GARRE1: variants seen among roughly 807,000 people sequenced by gnomAD.
GARRE1 encodes the protein granule associated Rac and RHOG effector protein 1.
Under a neutral mutation model 103.2 loss-of-function variants are expected in GARRE1, and 49 were observed. The ratio of observed to expected loss-of-function variants is 0.47; its 90% CI spans 0.38 to 0.60. The LOEUF is 0.60. Among genes scored for constraint, GARRE1 ranks in the 20% least tolerant of loss-of-function variants. The probability of loss-of-function intolerance (pLI) is 0.00; values close to 1 mark genes in which losing one functional copy is unlikely to be tolerated. For synonymous variants in GARRE1, 505 were observed against 532.8 expected, an observed-to-expected ratio of 0.95 and a Z score of 0.72; for missense variants, 1,199 against 1,370.5, an observed-to-expected ratio of 0.87 and a Z score of 1.98.
At chr19:34,312,831 G>A (rs2074043243) in intron 2 of GARRE1, among the ~76,000 whole-genome samples, 1 of 152,172 alleles carries the variant, frequency 6.6e-6, no homozygotes, top group Admixed American at 6.5e-5. Flanking sequence ...GGAGGCTGAG[G>A]CAGGAGAATC....
Position 34,353,404 on chromosome 19 carries a change from A to C in GARRE1, c.*449A>C. 1 of 177,496 alleles carries C rather than the reference A, an allele frequency of 5.6e-6. No individual in the cohort carries two copies. Among genetic ancestry groups the C allele is most frequent in the Non-Finnish European group, 1.2e-5 (1 of 85,164 alleles). The allele number at this position is 177,496 out of a possible 1,614,324, so 11.0% of individuals were successfully genotyped here. On this transcript the variant is annotated 3_prime_UTR_variant, in exon 14 of 14. Transcript: ENST00000299505. ...CACACCTTGAGTGATGACCACACCA[A>C]TCACTGTATTTTATAGCTTTTTTTT... is the stretch of plus-strand genomic sequence containing the variant.
At chr19:34,292,190 C>T (rs1222281619) in intron 1 of GARRE1, among the ~76,000 whole-genome samples, 2 of 152,212 alleles carry the variant, frequency 1.3e-5, no homozygotes, top group East Asian at 3.9e-4. Flanking sequence ...GTGTAGATTG[C>T]CTATTCTAGA....
At chr19:34,285,538 G>T (rs1225939891) in intron 1 of GARRE1, among the ~76,000 whole-genome samples, 3 of 151,776 alleles carry the variant, frequency 2.0e-5, no homozygotes, top group East Asian at 3.9e-4. Flanking sequence ...CATGAGAATT[G>T]CCTGAACCCA....
At chr19:34,331,324 G>T (rs912467908) in intron 7 of GARRE1, among the ~76,000 whole-genome samples, 4 of 151,980 alleles carry the variant, frequency 2.6e-5, no homozygotes, top group Non-Finnish European at 5.9e-5. Flanking sequence ...CCTGTCCCAG[G>T]CCTGTGCTCT....
At position 34,307,346 on chromosome 19, in the gene GARRE1, A is replaced by T. The variant is rs928046170; in HGVS notation, c.495+6378A>T. Among the ~76,000 whole-genome samples, 4 of 152,090 alleles carry T rather than the reference A, an allele frequency of 2.6e-5. No individual in the cohort carries two copies. The East Asian group carries it at 7.7e-4, about 29-fold the overall frequency. The stretch of plus-strand genomic sequence containing the variant: ...GGCTCTGGTTTTACGTTGGGTCCTC[A>T]GTGTTGAGAGGTGTTGGTCCTCTAT... On this transcript the variant is annotated intron_variant, in intron 2 of 13. Transcript: ENST00000299505.
chr19:34,333,115 C>G (rs575927601), intron 7 of GARRE1, among the ~76,000 whole-genome samples: 8 of 152,156 alleles, frequency 5.3e-5, no homozygotes, highest in Admixed American at 1.3e-4. Context: ...GGCGCAATCT[C>G]GGCTCACTGC....
At chr19:34,263,482 CTTTTTTTTT>C (rs776854533) in intron 1 of GARRE1, among the ~76,000 whole-genome samples, 1 of 140,196 alleles carries the variant, frequency 7.1e-6, no homozygotes, top group Non-Finnish European at 1.6e-5. Context: ...TCTTTTTTTT[CTTTTTTTTT>C]TTTTGAGACA....
Position 34,300,364 on chromosome 19 carries a change from AAAACT to A in GARRE1, c.-109_-105del. 1 of 1,353,670 alleles carries A rather than the reference AAAACT, an allele frequency of 7.4e-7. No homozygotes were observed. Among genetic ancestry groups the A allele is most frequent in the South Asian group, 1.5e-5 (1 of 64,758 alleles). The allele number at this position is 1,353,670 out of a possible 1,614,324, so 83.9% of individuals were successfully genotyped here. A position where few individuals can be genotyped will look rare whatever the true frequency, so the allele number is the denominator to read the frequency against. On this transcript the variant is annotated 5_prime_UTR_variant, in exon 2 of 14. It removes the in-frame stop codon of an upstream open reading frame in the 5' UTR. Coordinates refer to ENST00000299505, the MANE Select transcript of GARRE1 (RefSeq NM_014686.5). ...CCTGCCTCATGGAAATGCCTTTTTT[AAAACT>A]TCGATTTGCAGAACTCCACTATTTT...
At chr19:34,261,013 C>A (rs1437700562) in intron 1 of GARRE1, among the ~76,000 whole-genome samples, 4 of 152,172 alleles carry the variant, frequency 2.6e-5, no homozygotes, top group Non-Finnish European at 2.9e-5. Flanking sequence ...AGCAGTGCAG[C>A]GTTCCCTCCA....
chr19:34,336,872 A>T (rs2074163275), intron 8 of GARRE1, among the ~76,000 whole-genome samples: 1 of 152,212 alleles, frequency 6.6e-6, no homozygotes, highest in Non-Finnish European at 1.5e-5. Context: ...AGTTGGGTGA[A>T]TATAAACAGT....
intron 1 of GARRE1, among the ~76,000 whole-genome samples, chr19:34,263,347 TAGAA>T (rs573157580): frequency 2.6e-5 from 4 of 152,194 alleles, no homozygotes; most frequent in Non-Finnish European, 5.9e-5. Flanking sequence ...TATGGAATGA[TAGAA>T]AAGAAACAGT....
intron 2 of GARRE1, among the ~76,000 whole-genome samples, chr19:34,306,595 A>G (rs2074008486): frequency 6.6e-6 from 1 of 152,188 alleles, no homozygotes; most frequent in African/African-American, 2.4e-5. Flanking sequence ...TCTCTCTGTT[A>G]GAGAAGTGAG....
chr19:34,283,834 T>C (rs532645687), intron 1 of GARRE1, among the ~76,000 whole-genome samples: 168 of 146,032 alleles, frequency 1.2e-3, no homozygotes, highest in African/African-American at 3.0e-3. Context: ...TTCTTTCTTT[T>C]TTTTTTTTTT....
intron 13 of GARRE1, 64 bp downstream of exon 13, chr19:34,351,656 G>T (rs989018372): frequency 8.8e-7 from 1 of 1,133,628 alleles, no homozygotes. Context: ...TTTTCAGAGG[G>T]CCTCAAAGTA....
intron 1 of GARRE1, among the ~76,000 whole-genome samples, chr19:34,273,622 C>T (rs1478707157): frequency 6.6e-6 from 1 of 152,100 alleles, no homozygotes; most frequent in Non-Finnish European, 1.5e-5. Context: ...GACAGGGAAA[C>T]ACAGAGCAAA....
At chr19:34,325,627 C>T (rs779512631) in intron 3 of GARRE1, among the ~76,000 whole-genome samples, 2 of 152,202 alleles carry the variant, frequency 1.3e-5, no homozygotes, top group Non-Finnish European at 2.9e-5. Flanking sequence ...CGTTACTTCT[C>T]CCCTCCCTGT....
chr19:34,299,564 A>T (rs982355988), intron 1 of GARRE1, 115 bp from the exon 2 acceptor site: 63 of 152,372 alleles, frequency 4.1e-4, no homozygotes, highest in African/African-American at 1.4e-3. Flanking sequence ...CTCTAAGGTT[A>T]TAATATGATT....
In GARRE1 at chr19:34,300,244, A is replaced by G. The variant is rs1165115229; in HGVS notation, c.-230A>G. 3 of 427,928 alleles carry G rather than the reference A, an allele frequency of 7.0e-6. No individual in the cohort carries two copies. Among genetic ancestry groups the G allele is most frequent in the African/African-American group, 2.0e-5 (1 of 50,134 alleles). The allele number at this position is 427,928 out of a possible 1,614,324, so 26.5% of individuals were successfully genotyped here. A position where few individuals can be genotyped will look rare whatever the true frequency, so the allele number is the denominator to read the frequency against. ...AAACAGTTCTTATCCAGCATTTTGG[A>G]CATCTTTTATTTTTTGTCAGAGATC... On this transcript the variant is annotated 5_prime_UTR_variant, in exon 2 of 14. Transcript: ENST00000299505.
At chr19:34,347,429 G>A (rs1174014413) in intron 10 of GARRE1, among the ~76,000 whole-genome samples, 2 of 152,120 alleles carry the variant, frequency 1.3e-5, no homozygotes, top group Non-Finnish European at 2.9e-5. Context: ...GTTTTGCCGT[G>A]TTGGCCAGGC....
Sources: allele counts gnomAD v4.1 joint callset (sites outside exome capture counted in the v4.1 genomes callset), GRCh38; gene constraint gnomAD v4.1.1; transcripts MANE v1.5; gene names NCBI Gene and HGNC (gene_info 2026-07-23, HGNC 2026-07-21).